CCDC88C: variants seen among roughly 807,000 people sequenced by gnomAD.
CCDC88C encodes the protein protein Daple.
In CCDC88C, 131 loss-of-function variants were observed where a neutral mutation model predicts 198.8. The observed-to-expected ratio is 0.66, with a 90% CI of 0.57 to 0.76. The LOEUF (loss-of-function observed/expected upper bound fraction) is 0.76. Among genes scored for constraint, CCDC88C ranks in the 30% least tolerant of loss-of-function variants. The pLI, the probability that CCDC88C is intolerant of heterozygous loss-of-function variation, is 0.00. For missense variants in CCDC88C, 2,553 were observed against 2,631.6 expected, an observed-to-expected ratio of 0.97 and a Z score of 0.65; for synonymous variants, 1,166 against 1,114.7, an observed-to-expected ratio of 1.05 and a Z score of -0.92.
chr14:91,302,797 C>T (rs753075), intron 20 of CCDC88C, among the ~76,000 whole-genome samples: 76,243 of 151,954 alleles, frequency 0.5, 19,684 homozygotes, highest in Non-Finnish European at 0.58. Context: ...AAAAAGCAAG[C>T]GAGACCTTGA....
intron 3 of CCDC88C, among the ~76,000 whole-genome samples, chr14:91,368,350 G>A (rs564109837): frequency 2.8e-4 from 42 of 152,130 alleles, no homozygotes; most frequent in Non-Finnish European, 4.9e-4. Context: ...AAAAAGCTTC[G>A]AATTTGTTTT....
rs763638415 is a variant in CCDC88C at position 91,321,101 on chromosome 14, C to T, written c.1527+19G>A. On this transcript the variant is annotated intron_variant, in intron 13 of 29. Transcript: ENST00000389857. ...CAAGGGTTCTGTGCTTCCCCGGTGG[C>T]CTAAGGAGGCCGAGGTACCTTCTTG... 7.0e-5 allele frequency: 112 copies of T among 1,595,664 alleles called. No homozygotes were observed. Among genetic ancestry groups the T allele is most frequent in the Non-Finnish European group, 9.6e-5 (112 of 1,170,954 alleles).
intron 3 of CCDC88C, among the ~76,000 whole-genome samples, chr14:91,375,772 C>T (rs1035314969): frequency 3.3e-5 from 5 of 152,194 alleles, no homozygotes; most frequent in African/African-American, 9.6e-5. Flanking sequence ...TGTCCGTGCC[C>T]GGAGCACCTT....
rs1317595115 is a variant in CCDC88C at position 91,278,028 on chromosome 14, G to C, written c.4952C>G (p.Thr1651Arg). The C allele has an allele frequency of 1.4e-5, 22 of 1,603,378 alleles. No individual in the cohort carries two copies. Among genetic ancestry groups the C allele is most frequent in the Non-Finnish European group, 1.9e-5 (22 of 1,175,008 alleles). ...LPQEGAQKRG[T>R]APPYVGVRPC... ...CCGCACTCCGACGTAGGGAGGGGCT[G>C]TGCCCCTCTTCTGGGCACCCTCCTG... The change falls in exon 29 of 30, where the codon ACA becomes AGA. Residue 1651 changes from threonine to arginine, a missense_variant. This residue lies in a region of CCDC88C where 1,293 missense variants were observed against 1,219.6 expected (regional missense o/e 1.06). Transcript: ENST00000389857.
intron 3 of CCDC88C, among the ~76,000 whole-genome samples, chr14:91,376,903 A>G (rs970142026): frequency 6.6e-6 from 1 of 152,114 alleles, no homozygotes; most frequent in Non-Finnish European, 1.5e-5. Flanking sequence ...AGACCTGGGA[A>G]AGTGGGGCTG....
chr14:91,315,404 C>A (rs1019984009), intron 14 of CCDC88C, among the ~76,000 whole-genome samples: 1 of 152,200 alleles, frequency 6.6e-6, no homozygotes, highest in South Asian at 2.1e-4. Flanking sequence ...CACCCCCTCT[C>A]TTCCCCGGGG....
intron 4 of CCDC88C, among the ~76,000 whole-genome samples, chr14:91,347,673 G>A (rs1421933632): frequency 1.3e-5 from 2 of 152,168 alleles, no homozygotes; most frequent in African/African-American, 2.4e-5. Context: ...TCATTAAAAA[G>A]TCAGGAAACA....
intron 3 of CCDC88C, among the ~76,000 whole-genome samples, chr14:91,395,806 C>T (rs1309629440): frequency 6.6e-6 from 1 of 152,096 alleles, no homozygotes; most frequent in Non-Finnish European, 1.5e-5. Flanking sequence ...TGTAGAATTA[C>T]CACCCCTCAA....
At chr14:91,335,339 C>G (rs1033950200) in intron 10 of CCDC88C, among the ~76,000 whole-genome samples, 1 of 152,130 alleles carries the variant, frequency 6.6e-6, no homozygotes, top group Non-Finnish European at 1.5e-5. Flanking sequence ...ATGGCTGGGC[C>G]CTGAGAGCCC....
At chr14:91,293,343 CCTGTCCCCTCGCCTG>C (rs1596031534) in intron 23 of CCDC88C, among the ~76,000 whole-genome samples, 6 of 143,556 alleles carry the variant, frequency 4.2e-5, no homozygotes, top group South Asian at 2.3e-4. Flanking sequence ...AGCTCACCTT[CCTGTCCCCTCGCCTG>C]CCACGGCCCA....
chr14:91,285,978 A>G (rs1890390515), intron 25 of CCDC88C: 1 of 424,078 alleles, frequency 2.4e-6, no homozygotes, highest in Non-Finnish European at 4.2e-6. Flanking sequence ...AGGAAAGATG[A>G]AAACAGTACA....
rs1205270585 is a variant in CCDC88C at position 91,326,206 on chromosome 14, T to G, written c.1051-150A>C. ...GGCAGGAAGTTTTTCCTCTACTTTT[T>G]TTTTTATCATCTTCACCTTTTTTTT... On this transcript the variant is annotated intron_variant, in intron 10 of 29. Coordinates refer to ENST00000389857, the MANE Select transcript of CCDC88C (RefSeq NM_001080414.4). 6.1e-6 allele frequency: 4 copies of G among 658,766 alleles called. No homozygotes were observed. The Admixed American group carries it at 1.2e-4, about 20-fold the overall frequency. The allele number at this position is 658,766 out of a possible 1,614,324, so 40.8% of individuals were successfully genotyped here.
chr14:91,283,549 C>A, intron 25 of CCDC88C, 32 bp from the exon 26 acceptor site: 1 of 1,577,174 alleles, frequency 6.3e-7, no homozygotes, highest in South Asian at 1.2e-5. Context: ...AGAAATGAGG[C>A]TGCCAAGTCC....
chr14:91,319,701 C>CACTA (rs1567073754), intron 13 of CCDC88C, among the ~76,000 whole-genome samples: 2 of 152,174 alleles, frequency 1.3e-5, no homozygotes, highest in African/African-American at 4.8e-5. Flanking sequence ...CACACTACCA[C>CACTA]CTCTAATCCC....
At chr14:91,376,706 G>A (rs920009721) in intron 3 of CCDC88C, among the ~76,000 whole-genome samples, 2 of 152,208 alleles carry the variant, frequency 1.3e-5, no homozygotes, top group Admixed American at 6.5e-5. Flanking sequence ...AGGCCCAGGG[G>A]TCCCCTGGAT....
rs1431477398 is a variant in CCDC88C, at chr14:91,408,718, C to G, written c.211G>C (p.Val71Leu). The G allele has an allele frequency of 6.2e-7, 1 of 1,613,844 alleles. No homozygotes were observed. Among genetic ancestry groups the G allele is most frequent in the African/African-American group, 1.3e-5 (1 of 74,936 alleles). Residue 71 changes from valine (V) to leucine (L), a missense_variant, in exon 3 of 30, where the codon GTG becomes CTG. Physicochemically the swap from Val to Leu is conservative, Grantham distance 32 (BLOSUM62 1). This residue lies in a region of CCDC88C where 1,260 missense variants were observed against 1,412.0 expected (regional missense o/e 0.89). Transcript: ENST00000389857. ...GTCAAATTCTGAATGCGAAGGTTCA[C>G]ATCATTGTTGACGTGCTTATTGATG... is the stretch of plus-strand genomic sequence containing the variant. ...QRINKHVNNDVNLRIQNLTIL... is the reference protein window; with the variant it reads ...QRINKHVNNDLNLRIQNLTIL...
At chr14:91,289,015 G>A (rs914875363) in intron 25 of CCDC88C, 90 bp downstream of exon 25, 13 of 1,066,282 alleles carry the variant, frequency 1.2e-5, no homozygotes, top group African/African-American at 1.6e-5. Flanking sequence ...CCCCTGGCAC[G>A]TTCCTGCACA....
chr14:91,289,063 C>A (rs562518256), intron 25 of CCDC88C, 42 bp downstream of exon 25: 3 of 1,539,858 alleles, frequency 1.9e-6, no homozygotes, highest in South Asian at 1.1e-5. Context: ...CTTCAGGACA[C>A]CCCCTTCCTC....
intron 3 of CCDC88C, among the ~76,000 whole-genome samples, chr14:91,388,557 G>A (rs750090860): frequency 3.9e-5 from 6 of 152,270 alleles, no homozygotes; most frequent in Non-Finnish European, 7.4e-5. Context: ...TTGAGCAGAC[G>A]GTGACCGCGT....
Sources: allele counts gnomAD v4.1 joint callset (sites outside exome capture counted in the v4.1 genomes callset), GRCh38; gene constraint gnomAD v4.1.1; regional missense constraint gnomAD v4.1.1; transcripts MANE v1.5; gene names NCBI Gene and HGNC (gene_info 2026-07-23, HGNC 2026-07-21).